The following CDKL5 variants were observed in gnomAD, a reference collection of about 807,000 sequenced individuals.
CDKL5 encodes cyclin dependent kinase like 5, also known as cyclin-dependent kinase-like 5.
In CDKL5, 8 loss-of-function variants were observed where a neutral mutation model predicts 61.7. That is an observed-to-expected ratio of 0.13 (90% confidence interval 0.08 to 0.23). The LOEUF (loss-of-function observed/expected upper bound fraction) is 0.23, where lower values mean the gene tolerates loss of function less well. Ranked by LOEUF, CDKL5 falls within the 10% of genes least tolerant of loss-of-function variation. The pLI is 1.00. For synonymous variants in CDKL5, 275 were observed against 272.3 expected (o/e 1.01, Z -0.10); for missense variants, 440 against 734.5 (o/e 0.60, Z 4.63).
intron 3 of CDKL5, among the ~76,000 whole-genome samples, chrX:18,522,147 C>T (rs1339142751): frequency 9.1e-6 from 1 of 110,379 alleles, no homozygotes; most frequent in African/African-American, 3.3e-5. Context: ...GTCATCCTAA[C>T]TATAAATTCT....
Position 18,610,477 on chromosome X carries a change from G to A in CDKL5, c.2152+907G>A, listed in dbSNP as rs200857193. On this transcript the variant is annotated intron_variant, in intron 14 of 17. Transcript: ENST00000623535. ...CACATTGCACTGATTCTTTGTCTGA[G>A]TTCTCTCTCACAAGGTTGTGAGACA... is the stretch of plus-strand genomic sequence containing the variant. 1.7e-4 allele frequency among the ~76,000 whole-genome samples: 19 copies of A among 112,715 alleles called. No individual in the cohort carries two copies. The East Asian group carries it at 5.0e-3, about 30-fold the overall frequency.
Position 18,630,586 on chromosome X carries a change from T to A in CDKL5, c.*1829T>A. 1 of 750,452 alleles carries A rather than the reference T, an allele frequency of 1.3e-6. No individual in the cohort carries two copies. Among genetic ancestry groups the A allele is most frequent in the Non-Finnish European group, 1.6e-6 (1 of 636,278 alleles). 61.8% of individuals were successfully genotyped at this position (750,452 alleles called of 1,213,427 possible). On this transcript the variant is annotated 3_prime_UTR_variant, in exon 18 of 18. Coordinates refer to ENST00000623535, the MANE Select transcript of CDKL5 (RefSeq NM_001323289.2). ...GATTATAAAGACTAAGGTCCTAGTTTCCCTGAAGCTTAAATTGTGCACATA... is the reference window on the plus strand; with the variant it reads ...GATTATAAAGACTAAGGTCCTAGTTACCCTGAAGCTTAAATTGTGCACATA...
chrX:18,528,237 ATTTTT>A (rs749197887), intron 3 of CDKL5, among the ~76,000 whole-genome samples: 1 of 68,439 alleles, frequency 1.5e-5, no homozygotes, highest in African/African-American at 5.6e-5. Context: ...ACCCATACTC[ATTTTT>A]TTTTTTTTTT....
intron 15 of CDKL5, among the ~76,000 whole-genome samples, chrX:18,616,718 T>C (rs1926728258): frequency 8.9e-6 from 1 of 111,937 alleles, no homozygotes; most frequent in South Asian, 3.7e-4. Context: ...AGGTTATGAA[T>C]ATATTGATAT....
At chrX:18,520,247 C>A (rs1923197859) in intron 3 of CDKL5, among the ~76,000 whole-genome samples, 2 of 112,284 alleles carry the variant, frequency 1.8e-5, no homozygotes, top group South Asian at 7.3e-4. Flanking sequence ...ATTTACCCCC[C>A]ATTTTCCCTT....
chrX:18,471,250 G>A (rs1261105552), intron 1 of CDKL5, among the ~76,000 whole-genome samples: 1 of 110,931 alleles, frequency 9.0e-6, no homozygotes, highest in Non-Finnish European at 1.9e-5. Flanking sequence ...TTTTGATACA[G>A]GTATACAATG....
At chrX:18,442,784 G>A (rs1431408963) in intron 1 of CDKL5, among the ~76,000 whole-genome samples, 11 of 111,926 alleles carry the variant, frequency 9.8e-5, no homozygotes, top group Non-Finnish European at 1.9e-4. Context: ...GTGAGCCACC[G>A]CGCCTAGCGC....
At chrX:18,490,190 T>C (rs1050333179) in intron 1 of CDKL5, among the ~76,000 whole-genome samples, 5 of 111,140 alleles carry the variant, frequency 4.5e-5, no homozygotes, top group African/African-American at 1.3e-4. Context: ...AAGAAGCTGG[T>C]AGTAAATGTA....
chrX:18,561,003 C>T (rs1924787171), intron 3 of CDKL5, among the ~76,000 whole-genome samples: 1 of 111,489 alleles, frequency 9.0e-6, no homozygotes, highest in African/African-American at 3.3e-5. Context: ...ATTATAATTT[C>T]TTTATGTTAG....
Position 18,609,504 on chromosome X carries a change from G to A in CDKL5, c.2086G>A (p.Ala696Thr), listed in dbSNP as rs374518046. The A allele has an allele frequency of 4.5e-5, 54 of 1,210,023 alleles. No homozygotes were observed. The highest frequency in any genetic ancestry group is 5.8e-5 in the Non-Finnish European group (52 of 895,229). Residue 696 changes from alanine to threonine, a missense_variant, in exon 14 of 18, where the codon GCC (alanine) becomes ACC (threonine). Transcript: ENST00000623535. The part of the protein sequence containing the change: ...YHDPHSDDGT[A>T]PKENRHLYND... ...TGACCCACACTCTGATGATGGCACA[G>A]CCCCCAAAGAAAATAGACACCTATA...
At chrX:18,447,103 A>G (rs1172817211) in intron 1 of CDKL5, among the ~76,000 whole-genome samples, 1 of 111,352 alleles carries the variant, frequency 9.0e-6, no homozygotes, top group East Asian at 2.8e-4. Context: ...GTGTCTGCAG[A>G]CATTTTTGGT....
rs761515734 is a variant in CDKL5 at position 18,620,226 on chromosome X, C to A, written c.2376+260C>A. ...ACTTTAAGCCTTTCTCAATATACTT[C>A]TTATCTATGTGGGCTTATATTAATG... On this transcript the variant is annotated intron_variant, in intron 16 of 17. Coordinates refer to ENST00000623535, the MANE Select transcript of CDKL5 (RefSeq NM_001323289.2). Among the ~76,000 whole-genome samples, 3 of 112,455 alleles carry A rather than the reference C, an allele frequency of 2.7e-5. No individual in the cohort carries two copies. The South Asian group carries it at 1.1e-3, about 41-fold the overall frequency.
At chrX:18,449,939 C>T (rs1004371568) in intron 1 of CDKL5, among the ~76,000 whole-genome samples, 3 of 111,359 alleles carry the variant, frequency 2.7e-5, no homozygotes, top group Non-Finnish European at 5.7e-5. Context: ...GGACTACCGG[C>T]GCATGCCACC....
chrX:18,508,858 G>C (rs889746248), intron 2 of CDKL5, among the ~76,000 whole-genome samples: 2 of 110,145 alleles, frequency 1.8e-5, no homozygotes, highest in African/African-American at 3.3e-5. Context: ...CACTTTGGGA[G>C]GCTGAGGTGG....
chrX:18,548,575 C>T (rs913212180), intron 3 of CDKL5, among the ~76,000 whole-genome samples: 1 of 112,624 alleles, frequency 8.9e-6, no homozygotes, highest in Admixed American at 9.4e-5. Context: ...TGACTTGGAA[C>T]CTTTTTCAGA....
chrX:18,615,220 G>C (rs1298800843), intron 15 of CDKL5, among the ~76,000 whole-genome samples: 3 of 111,631 alleles, frequency 2.7e-5, no homozygotes, highest in African/African-American at 9.8e-5. Flanking sequence ...TCGTGATAAT[G>C]CTGCTATGAC....
At chrX:18,429,406 T>C (rs995026933) in intron 1 of CDKL5, among the ~76,000 whole-genome samples, 1 of 111,530 alleles carries the variant, frequency 9.0e-6, no homozygotes, top group African/African-American at 3.3e-5. Context: ...TGCCAGACAC[T>C]GTGACACGTA....
chrX:18,462,789 C>T (rs1932318885), intron 1 of CDKL5, among the ~76,000 whole-genome samples: 1 of 111,438 alleles, frequency 9.0e-6, no homozygotes, highest in Non-Finnish European at 1.9e-5. Context: ...TTTGGGAGGC[C>T]TAGGTGGGCG....
intron 3 of CDKL5, among the ~76,000 whole-genome samples, chrX:18,519,359 T>A (rs1269093474): frequency 1.8e-5 from 2 of 112,149 alleles, no homozygotes; most frequent in African/African-American, 6.5e-5. Flanking sequence ...ACTTCTGATA[T>A]TGAGCAAGCC....
Sources: allele counts gnomAD v4.1 joint callset (sites outside exome capture counted in the v4.1 genomes callset), GRCh38; gene constraint gnomAD v4.1.1; transcripts MANE v1.5; gene names NCBI Gene and HGNC (gene_info 2026-07-23, HGNC 2026-07-21).